Variants in TENM4 observed in about 807,000 individuals in gnomAD.
TENM4 encodes teneurin-4.
Under a neutral mutation model 243.3 loss-of-function variants are expected in TENM4, and 82 were observed. The observed-to-expected ratio is 0.34, with a 90% confidence interval of 0.28 to 0.40. TENM4 has a LOEUF of 0.40. Among genes scored for constraint, TENM4 ranks in the 10% least tolerant of loss-of-function variants. The pLI is 1.00. For synonymous variants in TENM4, 1,412 were observed against 1,456.3 expected, an observed-to-expected ratio of 0.97 and a Z score of 0.69; for missense variants, 3,138 against 3,673.3, an observed-to-expected ratio of 0.85 and a Z score of 3.77.
chr11:78,803,747 G>C (rs1215738842), intron 15 of TENM4, among the ~76,000 whole-genome samples: 1 of 152,202 alleles, frequency 6.6e-6, no homozygotes, highest in Admixed American at 6.5e-5. Flanking sequence ...GATTAACAGT[G>C]CAAGACGCAG....
chr11:78,733,919 T>C (rs1199793725), intron 20 of TENM4, among the ~76,000 whole-genome samples: 1 of 152,190 alleles, frequency 6.6e-6, no homozygotes, highest in Non-Finnish European at 1.5e-5. Flanking sequence ...CCAGGCATGG[T>C]GGCTCACATC....
intron 25 of TENM4, among the ~76,000 whole-genome samples, chr11:78,715,423 C>A (rs772051927): frequency 3.9e-5 from 6 of 152,178 alleles, no homozygotes; most frequent in Non-Finnish European, 8.8e-5. Context: ...GGGGCCCTGT[C>A]CACTTAGATT....
chr11:78,866,879 C>G (rs549664977), intron 9 of TENM4, among the ~76,000 whole-genome samples: 1 of 152,206 alleles, frequency 6.6e-6, no homozygotes, highest in East Asian at 1.9e-4. Context: ...AAATGGCTAC[C>G]TGGAAAGTAA....
intron 1 of TENM4, among the ~76,000 whole-genome samples, chr11:79,330,242 G>T (rs936834468): frequency 6.6e-6 from 1 of 152,204 alleles, no homozygotes; most frequent in Non-Finnish European, 1.5e-5. Context: ...CAGGTTCAGG[G>T]GTAGACTTGA....
At chr11:78,876,476 G>A (rs559957866) in intron 9 of TENM4, among the ~76,000 whole-genome samples, 2 of 152,286 alleles carry the variant, frequency 1.3e-5, no homozygotes, top group African/African-American at 4.8e-5. Flanking sequence ...CTTTGCTTAG[G>A]CTGTTCGGTC....
chr11:79,309,023 A>T (rs911468428), intron 1 of TENM4, among the ~76,000 whole-genome samples: 4 of 152,074 alleles, frequency 2.6e-5, no homozygotes, highest in Admixed American at 1.3e-4. Flanking sequence ...CAGAATGCCT[A>T]TAGAGATAAG....
intron 3 of TENM4, among the ~76,000 whole-genome samples, chr11:79,153,428 A>T (rs930021580): frequency 1.3e-5 from 2 of 152,160 alleles, no homozygotes; most frequent in Non-Finnish European, 2.9e-5. Flanking sequence ...TTTTCTTCTC[A>T]TGTTTCCTTG....
chr11:79,014,376 G>C (rs914640687), intron 6 of TENM4, among the ~76,000 whole-genome samples: 5 of 152,128 alleles, frequency 3.3e-5, no homozygotes, highest in Admixed American at 2.6e-4. Flanking sequence ...AGAGGCCACC[G>C]GAACTTTGGA....
intron 6 of TENM4, among the ~76,000 whole-genome samples, chr11:78,952,715 GA>G (rs1857130932): frequency 1.3e-5 from 2 of 152,148 alleles, no homozygotes; most frequent in Non-Finnish European, 2.9e-5. Context: ...TTTTCCAAGA[GA>G]AGACCAGTAA....
intron 10 of TENM4, among the ~76,000 whole-genome samples, chr11:78,862,405 A>G (rs779866200): frequency 7.9e-5 from 12 of 152,318 alleles, no homozygotes; most frequent in South Asian, 2.1e-4. Context: ...AAGTTTTAAA[A>G]CAAACATGCT....
intron 2 of TENM4, among the ~76,000 whole-genome samples, chr11:79,275,348 C>A (rs924236176): frequency 1.3e-5 from 2 of 152,150 alleles, no homozygotes; most frequent in Admixed American, 1.3e-4. Context: ...GCAAACATTT[C>A]CCCTGCAAAG....
intron 2 of TENM4, among the ~76,000 whole-genome samples, chr11:79,285,876 G>C (rs1279942335): frequency 2.0e-5 from 3 of 152,178 alleles, no homozygotes; most frequent in East Asian, 1.9e-4. Context: ...CAAGGGCTAG[G>C]GGGAGCAGGG....
intron 2 of TENM4, among the ~76,000 whole-genome samples, chr11:79,222,910 G>A (rs1864191616): frequency 6.6e-6 from 1 of 152,098 alleles, no homozygotes; most frequent in South Asian, 2.1e-4. Flanking sequence ...GCCTTTGTCA[G>A]ATGGGTAGAT....
chr11:79,183,929 TG>T (rs1863335681), intron 3 of TENM4, among the ~76,000 whole-genome samples: 1 of 152,192 alleles, frequency 6.6e-6, no homozygotes, highest in African/African-American at 2.4e-5. Flanking sequence ...GTGTTGCTGC[TG>T]TGAAAAAATG....
chr11:78,995,844 C>T (rs1328889236), intron 6 of TENM4, among the ~76,000 whole-genome samples: 6 of 152,030 alleles, frequency 3.9e-5, no homozygotes, highest in East Asian at 1.9e-4. Context: ...AACCTTGCAT[C>T]GATCACTTAA....
intron 15 of TENM4, among the ~76,000 whole-genome samples, chr11:78,804,812 T>A (rs940067173): frequency 1.3e-5 from 2 of 152,188 alleles, no homozygotes; most frequent in Non-Finnish European, 2.9e-5. Context: ...AGCATTTGGC[T>A]AGAAGGGCAG....
At chr11:79,231,679 A>T (rs1465135057) in intron 2 of TENM4, among the ~76,000 whole-genome samples, 1 of 152,248 alleles carries the variant, frequency 6.6e-6, no homozygotes, top group Non-Finnish European at 1.5e-5. Context: ...AATTTGTGAC[A>T]ATTATAAATC....
At chr11:79,030,058 G>A (rs762418558) in intron 6 of TENM4, among the ~76,000 whole-genome samples, 7 of 152,084 alleles carry the variant, frequency 4.6e-5, no homozygotes, top group Non-Finnish European at 7.4e-5. Flanking sequence ...ATCGGAATCC[G>A]CCCTGGATTA....
intron 9 of TENM4, among the ~76,000 whole-genome samples, chr11:78,877,011 G>T (rs1194854160): frequency 1.3e-5 from 2 of 152,184 alleles, no homozygotes; most frequent in African/African-American, 4.8e-5. Context: ...ACACCACTTA[G>T]ATACTAATTG....
Sources: gnomAD v4.1 joint callset for allele counts (sites outside exome capture counted in the v4.1 genomes callset) on GRCh38, gnomAD v4.1.1 for gene constraint, MANE v1.5 for transcripts, NCBI Gene and HGNC (gene_info 2026-07-23, HGNC 2026-07-21) for gene names.